SYN3: variants seen among roughly 807,000 people sequenced by gnomAD.
SYN3 encodes synapsin III, also known as synapsin-3.
SYN3 carries 35 observed loss-of-function variants against 65.8 expected under a neutral mutation model. That is an observed-to-expected ratio of 0.53 (90% confidence interval 0.41 to 0.70). The LOEUF is 0.70. Ranked by LOEUF, SYN3 falls within the 30% of genes least tolerant of loss-of-function variation. The pLI, the probability that SYN3 is intolerant of heterozygous loss-of-function variation, is 0.00. For missense variants in SYN3, 680 were observed against 749.0 expected, an observed-to-expected ratio of 0.91 and a Z score of 1.08; for synonymous variants, 270 against 292.9, an observed-to-expected ratio of 0.92 and a Z score of 0.80.
chr22:33,054,649 G>A (rs544453214), intron 1 of SYN3, among the ~76,000 whole-genome samples: 4 of 152,274 alleles, frequency 2.6e-5, no homozygotes, highest in Admixed American at 2.6e-4. Flanking sequence ...TTCACATAAA[G>A]GGAATCATAC....
intron 4 of SYN3, among the ~76,000 whole-genome samples, chr22:32,927,525 C>G (rs1191212572): frequency 6.6e-6 from 1 of 152,130 alleles, no homozygotes; most frequent in Non-Finnish European, 1.5e-5. Context: ...CTGGGATTTA[C>G]AGGCGTGAGC....
At chr22:32,759,127 A>G (rs1049939030) in intron 6 of SYN3, among the ~76,000 whole-genome samples, 1 of 152,180 alleles carries the variant, frequency 6.6e-6, no homozygotes, top group African/African-American at 2.4e-5. Context: ...TGGAAGAGAC[A>G]GAAGCAAGAG....
intron 7 of SYN3, among the ~76,000 whole-genome samples, chr22:32,566,992 G>C (rs542112640): frequency 6.6e-6 from 1 of 152,210 alleles, no homozygotes; most frequent in African/African-American, 2.4e-5. Flanking sequence ...GGCAGGCAGA[G>C]GTGCAGGAAG....
intron 3 of SYN3, among the ~76,000 whole-genome samples, chr22:32,954,855 T>C (rs1277351230): frequency 6.6e-6 from 1 of 151,846 alleles, no homozygotes; most frequent in African/African-American, 2.4e-5. Context: ...TTTTTTTTTT[T>C]CCAAATGGAA....
At chr22:32,650,470 T>C (rs752873155) in intron 6 of SYN3, among the ~76,000 whole-genome samples, 1 of 152,014 alleles carries the variant, frequency 6.6e-6, no homozygotes, top group Non-Finnish European at 1.5e-5. Flanking sequence ...TTCACCATGT[T>C]GCCCCGGCTG....
chr22:32,933,729 C>T (rs2050699172), intron 3 of SYN3, among the ~76,000 whole-genome samples: 1 of 152,192 alleles, frequency 6.6e-6, no homozygotes, highest in Non-Finnish European at 1.5e-5. Context: ...TGAGCCACCA[C>T]GCTCAGCTGG....
At chr22:33,048,956 ACTT>A (rs2054115026) in intron 1 of SYN3, among the ~76,000 whole-genome samples, 2 of 152,166 alleles carry the variant, frequency 1.3e-5, no homozygotes, top group Admixed American at 6.5e-5. Flanking sequence ...GATGCAGACA[ACTT>A]CTTTTTTGAC....
chr22:33,028,479 T>C (rs2053676465), intron 1 of SYN3, among the ~76,000 whole-genome samples: 1 of 152,206 alleles, frequency 6.6e-6, no homozygotes, highest in Admixed American at 6.5e-5. Context: ...GCTGCTGCCC[T>C]GCAAAAGGCA....
chr22:32,521,435 CCT>C (rs971677000), intron 12 of SYN3, among the ~76,000 whole-genome samples: 1 of 140,556 alleles, frequency 7.1e-6, no homozygotes, highest in African/African-American at 2.6e-5. Flanking sequence ...TTAAGCAACA[CCT>C]CTTGATTTTT....
intron 6 of SYN3, among the ~76,000 whole-genome samples, chr22:32,659,955 A>G (rs2060194025): frequency 6.6e-6 from 1 of 152,162 alleles, no homozygotes; most frequent in South Asian, 2.1e-4. Flanking sequence ...TGTTTCCAGA[A>G]TCTTTACTTC....
At chr22:32,997,944 G>A (rs756378098) in intron 2 of SYN3, among the ~76,000 whole-genome samples, 2 of 150,970 alleles carry the variant, frequency 1.3e-5, no homozygotes, top group African/African-American at 2.4e-5. Flanking sequence ...GGAGAAGGGC[G>A]TGAACCCGGG....
intron 6 of SYN3, among the ~76,000 whole-genome samples, chr22:32,821,210 T>C (rs2047238273): frequency 6.6e-6 from 1 of 152,158 alleles, no homozygotes; most frequent in Admixed American, 6.5e-5. Context: ...TTGACTAAAA[T>C]GTAAACTCTG....
intron 4 of SYN3, among the ~76,000 whole-genome samples, chr22:32,898,794 T>C (rs2049671283): frequency 6.6e-6 from 1 of 152,178 alleles, no homozygotes; most frequent in Admixed American, 6.5e-5. Context: ...TGAGTTTCCA[T>C]GTCCTCAGCT....
At chr22:32,554,606 G>A (rs9606981) in intron 7 of SYN3, among the ~76,000 whole-genome samples, 33,871 of 151,954 alleles carry the variant, frequency 0.22, 3,970 homozygotes, top group African/African-American at 0.26. Flanking sequence ...CCGCCACTCC[G>A]GCTCGTACCC....
At chr22:33,047,174 CATATA>C (rs1601960122) in intron 1 of SYN3, among the ~76,000 whole-genome samples, 2 of 152,290 alleles carry the variant, frequency 1.3e-5, no homozygotes, top group South Asian at 4.1e-4. Flanking sequence ...TAAGTGGCAT[CATATA>C]ATATATTTGT....
At chr22:33,012,627 A>G (rs1209891880) in intron 1 of SYN3, among the ~76,000 whole-genome samples, 1 of 152,258 alleles carries the variant, frequency 6.6e-6, no homozygotes, top group Non-Finnish European at 1.5e-5. Context: ...AGGAATGAAA[A>G]GCAGATTTGG....
intron 6 of SYN3, among the ~76,000 whole-genome samples, chr22:32,760,761 G>T (rs1398261966): frequency 6.6e-6 from 1 of 152,200 alleles, no homozygotes; most frequent in African/African-American, 2.4e-5. Context: ...ATGTCAGCAG[G>T]CCTCAAATGC....
At chr22:32,577,273 C>T (rs530619210) in intron 7 of SYN3, among the ~76,000 whole-genome samples, 1 of 152,182 alleles carries the variant, frequency 6.6e-6, no homozygotes, top group East Asian at 1.9e-4. Context: ...GCTTTTTCTA[C>T]CTGCGATGTC....
chr22:32,575,216 C>G (rs1226090068), intron 7 of SYN3, among the ~76,000 whole-genome samples: 1 of 152,206 alleles, frequency 6.6e-6, no homozygotes, highest in Non-Finnish European at 1.5e-5. Context: ...GGACAAAGGG[C>G]TCAAAGTCAA....
Sources: allele counts gnomAD v4.1 joint callset (sites outside exome capture counted in the v4.1 genomes callset), GRCh38; gene constraint gnomAD v4.1.1; transcripts MANE v1.5; gene names NCBI Gene and HGNC (gene_info 2026-07-23, HGNC 2026-07-21).